The following EYA4 variants were observed in gnomAD, a reference collection of about 807,000 sequenced individuals.
EYA4 encodes EYA transcriptional coactivator and phosphatase 4.
Under a neutral mutation model 87.9 loss-of-function variants are expected in EYA4, and 31 were observed. That is an observed-to-expected ratio of 0.35 (90% CI 0.27 to 0.48). The LOEUF is 0.48. Ranked by LOEUF, EYA4 falls within the 20% of genes least tolerant of loss-of-function variation. The probability of loss-of-function intolerance (pLI) is 0.99; values close to 1 mark genes in which losing one functional copy is unlikely to be tolerated. For missense variants in EYA4, 678 were observed against 761.4 expected, an observed-to-expected ratio of 0.89 and a Z score of 1.29; for synonymous variants, 263 against 270.6, an observed-to-expected ratio of 0.97 and a Z score of 0.28.
At chr6:133,501,953 C>T (rs954010114) in intron 13 of EYA4, among the ~76,000 whole-genome samples, 1 of 152,158 alleles carries the variant, frequency 6.6e-6, no homozygotes, top group Non-Finnish European at 1.5e-5. Context: ...AACTGCTGTA[C>T]TGGATCCTGC....
chr6:133,333,132 A>G (rs1782108888), intron 2 of EYA4, among the ~76,000 whole-genome samples: 1 of 152,286 alleles, frequency 6.6e-6, no homozygotes, highest in Middle Eastern at 3.4e-3. Context: ...AAAATATATA[A>G]TTATATAGTC....
chr6:133,243,253 G>T (rs1262552500), intron 1 of EYA4, among the ~76,000 whole-genome samples: 1 of 152,182 alleles, frequency 6.6e-6, no homozygotes, highest in Admixed American at 6.5e-5. Context: ...CAACAGGTTA[G>T]GTTTCACATT....
chr6:133,448,321 T>G, intron 5 of EYA4, 142 bp downstream of exon 5: 1 of 712,656 alleles, frequency 1.4e-6, no homozygotes, highest in East Asian at 2.7e-5. Flanking sequence ...CTTTTAGTTG[T>G]TTATTGACAG....
At chr6:133,407,955 G>A (rs896871133) in intron 3 of EYA4, among the ~76,000 whole-genome samples, 1 of 152,030 alleles carries the variant, frequency 6.6e-6, no homozygotes, top group African/African-American at 2.4e-5. Context: ...AAAGTATGGG[G>A]GGAAGAAAAG....
At chr6:133,321,208 C>T (rs985410553) in intron 2 of EYA4, among the ~76,000 whole-genome samples, 2 of 152,066 alleles carry the variant, frequency 1.3e-5, no homozygotes, top group Admixed American at 1.3e-4. Flanking sequence ...TGTTTATAGT[C>T]TATTATGTTG....
intron 13 of EYA4, among the ~76,000 whole-genome samples, chr6:133,504,339 GCA>G (rs1445359985): frequency 6.6e-6 from 1 of 152,220 alleles, no homozygotes; most frequent in Non-Finnish European, 1.5e-5. Context: ...GAATCCGGCA[GCA>G]CAGTCAAGCT....
chr6:133,491,280 A>G (rs996776868), intron 13 of EYA4, among the ~76,000 whole-genome samples: 1 of 152,134 alleles, frequency 6.6e-6, no homozygotes, highest in African/African-American at 2.4e-5. Flanking sequence ...AAACCACCTA[A>G]TGATGCATCT....
In EYA4 at chr6:133,356,395, A is replaced by G. The variant is rs529312831; in HGVS notation, c.34-25997A>G. Among the ~76,000 whole-genome samples the G allele has an allele frequency of 9.2e-5, 14 of 152,360 alleles. No homozygotes were observed. The South Asian group carries it at 2.7e-3, about 29-fold the overall frequency. ...AAATTGGTGTATTTTACTTATATGAATACATATTTTGATGTTTCTGATGAT... is the reference window on the plus strand; with the variant it reads ...AAATTGGTGTATTTTACTTATATGAGTACATATTTTGATGTTTCTGATGAT... On this transcript the variant is annotated intron_variant, in intron 2 of 19. Coordinates refer to ENST00000355286, the MANE Select transcript of EYA4 (RefSeq NM_004100.5).
intron 11 of EYA4, among the ~76,000 whole-genome samples, chr6:133,474,605 C>G (rs1008859047): frequency 2.6e-5 from 4 of 152,098 alleles, no homozygotes; most frequent in Non-Finnish European, 5.9e-5. Flanking sequence ...ATATTATTCT[C>G]TCAACCAAAA....
chr6:133,326,621 G>T (rs1008154663), intron 2 of EYA4, among the ~76,000 whole-genome samples: 2 of 152,150 alleles, frequency 1.3e-5, no homozygotes, highest in Non-Finnish European at 2.9e-5. Context: ...TGTGTAACTG[G>T]CAAACTGGAC....
chr6:133,477,650 A>C (rs1286759438), intron 11 of EYA4, among the ~76,000 whole-genome samples: 3 of 152,058 alleles, frequency 2.0e-5, no homozygotes, highest in Non-Finnish European at 2.9e-5. Context: ...TGCCTGAGAA[A>C]GTATAGCCAA....
chr6:133,311,511 G>A (rs1780215087), intron 2 of EYA4, among the ~76,000 whole-genome samples: 1 of 151,930 alleles, frequency 6.6e-6, no homozygotes, highest in Non-Finnish European at 1.5e-5. Flanking sequence ...GGAGATGGGA[G>A]TCTCCCAGTG....
In EYA4 at chr6:133,256,326, T is replaced by C. The variant is rs139045797; in HGVS notation, c.-66+14577T>C. Among the ~76,000 whole-genome samples the C allele has an allele frequency of 6.5e-3, 986 of 151,934 alleles. 8 individuals are homozygous for C. Among genetic ancestry groups the C allele is most frequent in the African/African-American group, 0.019 (791 of 41,546 alleles). The stretch of plus-strand genomic sequence containing the variant: ...GTTAGGAAGAAATAAATCAGTAATA[T>C]TATATTCACTACATTTTTTTTTACT... On this transcript the variant is annotated intron_variant, in intron 1 of 19. Coordinates refer to ENST00000355286, the MANE Select transcript of EYA4 (RefSeq NM_004100.5).
chr6:133,248,814 T>A (rs529729905), intron 1 of EYA4: 31 of 152,288 alleles, frequency 2.0e-4, no homozygotes, highest in African/African-American at 7.0e-4. Flanking sequence ...AGTAGGTAAC[T>A]TAAGCATGCA....
At chr6:133,425,481 C>T (rs1185718330) in intron 3 of EYA4, among the ~76,000 whole-genome samples, 1 of 150,638 alleles carries the variant, frequency 6.6e-6, no homozygotes, top group Non-Finnish European at 1.5e-5. Context: ...AGTCTCCCTT[C>T]TTTCAGTTCA....
At chr6:133,480,823 G>A (rs1796144784) in intron 11 of EYA4, among the ~76,000 whole-genome samples, 1 of 151,494 alleles carries the variant, frequency 6.6e-6, no homozygotes, top group Admixed American at 6.7e-5. Flanking sequence ...GCACTAGTAT[G>A]CACTATTCTA....
chr6:133,342,463 C>CAAGGGACAGGA lies in EYA4; in HGVS notation c.34-39925_34-39915dup, dbSNP rs1554230191. Among the ~76,000 whole-genome samples the CAAGGGACAGGA allele has an allele frequency of 4.7e-5, 7 of 147,898 alleles. No homozygotes were observed. In the East Asian group the frequency reaches 1.4e-3, roughly 30 times the overall value. ...CACAGATTCAGATCGGAAGGTGTAG[C>CAAGGGACAGGA]AAGGGACAGGAAAGCCTGTTTTATA... is the stretch of plus-strand genomic sequence containing the variant. On this transcript the variant is annotated intron_variant, in intron 2 of 19. Transcript: ENST00000355286.
At chr6:133,283,355 CTCTT>C (rs1326251325) in intron 2 of EYA4, among the ~76,000 whole-genome samples, 5 of 151,872 alleles carry the variant, frequency 3.3e-5, no homozygotes, top group African/African-American at 4.8e-5. Flanking sequence ...GAAATATAAT[CTCTT>C]TCATGGTTTA....
chr6:133,263,655 G>C (rs1199124428), intron 1 of EYA4, among the ~76,000 whole-genome samples: 1 of 152,184 alleles, frequency 6.6e-6, no homozygotes, highest in African/African-American at 2.4e-5. Flanking sequence ...TATGTTTTGT[G>C]GGTATAATAC....
Sources: allele counts gnomAD v4.1 joint callset (sites outside exome capture counted in the v4.1 genomes callset), GRCh38; gene constraint gnomAD v4.1.1; transcripts MANE v1.5; gene names NCBI Gene and HGNC (gene_info 2026-07-23, HGNC 2026-07-21).